The following ADAMTS17 variants were observed in gnomAD, a reference collection of about 807,000 sequenced individuals.
ADAMTS17 encodes the protein ADAM metallopeptidase with thrombospondin type 1 motif 17, also known as A disintegrin and metalloproteinase with thrombospondin motifs 17.
A neutral mutation model predicts 141.5 loss-of-function variants in ADAMTS17; 113 were observed. That is an observed-to-expected ratio of 0.80 (90% CI 0.69 to 0.93). The LOEUF (loss-of-function observed/expected upper bound fraction) is 0.93. ADAMTS17 is among the 40% of genes least tolerant of loss of function. ADAMTS17 has a pLI of 0.00. For missense variants in ADAMTS17, 1,659 were observed against 1,517.9 expected (o/e 1.09, Z -1.54); for synonymous variants, 768 against 630.6 (o/e 1.22, Z -3.27).
chr15:100,310,553 C>T (rs566862806), intron 3 of ADAMTS17, among the ~76,000 whole-genome samples: 6 of 152,314 alleles, frequency 3.9e-5, no homozygotes, highest in East Asian at 1.9e-4. Flanking sequence ...TTCTGGAGCA[C>T]GCCTAAGCAC....
At chr15:100,149,589 C>T (rs888497563) in intron 10 of ADAMTS17, among the ~76,000 whole-genome samples, 5 of 152,170 alleles carry the variant, frequency 3.3e-5, no homozygotes, top group Non-Finnish European at 7.3e-5. Context: ...CCAAACTGCT[C>T]ACCACACCAC....
chr15:100,293,766 T>C (rs1026644826), intron 3 of ADAMTS17, among the ~76,000 whole-genome samples: 17 of 152,262 alleles, frequency 1.1e-4, no homozygotes, highest in African/African-American at 3.9e-4. Flanking sequence ...CCTTTGGACC[T>C]ATCCCAACAC....
In ADAMTS17 at chr15:100,254,147, C is replaced by A. The variant is rs1400336848; in HGVS notation, c.1064G>T (p.Cys355Phe). 6.2e-7 allele frequency: 1 copy of A among 1,613,536 alleles called. No homozygotes were observed. The highest frequency in any genetic ancestry group is 1.7e-5 in the Admixed American group (1 of 60,032). The stretch of plus-strand genomic sequence containing the variant: ...AACTCTAAACTTACCAACAGTGTCA[C>A]ACGGTTCATCCTTGTGTACACAGAA... Reference protein sequence around the residue: ...TDFCVHKDEPCDTVGIAYLGG... With the variant: ...TDFCVHKDEPFDTVGIAYLGG... The change falls in exon 7 of 22, where the codon TGT becomes TTT. Residue 355 changes from cysteine (C) to phenylalanine (F), a missense_variant. By Grantham distance (205) the Cys-to-Phe change is radical (BLOSUM62 -2). Coordinates refer to ENST00000268070, the MANE Select transcript of ADAMTS17 (RefSeq NM_139057.4).
At chr15:100,162,479 GT>G (rs1457930624) in intron 8 of ADAMTS17, among the ~76,000 whole-genome samples, 1 of 125,262 alleles carries the variant, frequency 8.0e-6, no homozygotes, top group African/African-American at 3.0e-5. Flanking sequence ...CATTATATGT[GT>G]ATATATATGC....
intron 8 of ADAMTS17, among the ~76,000 whole-genome samples, chr15:100,191,567 A>C (rs2040918125): frequency 6.6e-6 from 1 of 152,180 alleles, no homozygotes; most frequent in Admixed American, 6.5e-5. Context: ...ATGAGACTCC[A>C]CATCAATGAT....
At chr15:100,165,924 T>C (rs1350032240) in intron 8 of ADAMTS17, among the ~76,000 whole-genome samples, 3 of 152,188 alleles carry the variant, frequency 2.0e-5, no homozygotes, top group Non-Finnish European at 4.4e-5. Context: ...CTTGGGTATT[T>C]TGAGAATTTT....
At chr15:100,140,510 C>CATATATATATATATATATATATATAA (rs1380147908) in intron 10 of ADAMTS17, among the ~76,000 whole-genome samples, 1 of 75,274 alleles carries the variant, frequency 1.3e-5, no homozygotes, top group Non-Finnish European at 3.3e-5. Flanking sequence ...TATATATATC[C>CATATATATATATATATATATATATAA]AGTAAAGACG....
At chr15:100,054,209 G>T (rs556005788) in intron 15 of ADAMTS17, among the ~76,000 whole-genome samples, 155 bp from the exon 16 acceptor site, 1 of 152,270 alleles carries the variant, frequency 6.6e-6, no homozygotes, top group Non-Finnish European at 1.5e-5. Context: ...CGAGTGCTCT[G>T]TATACTGAGA....
intron 8 of ADAMTS17, among the ~76,000 whole-genome samples, chr15:100,165,913 C>T (rs1251239599): frequency 1.3e-5 from 2 of 151,896 alleles, no homozygotes; most frequent in African/African-American, 4.8e-5. Context: ...TCCAGAATGG[C>T]CTTGGGTATT....
At position 99,974,244 on chromosome 15, in the gene ADAMTS17, C is replaced by T. The variant is rs890116473; in HGVS notation, c.*158G>A. On this transcript the variant is annotated 3_prime_UTR_variant, in exon 22 of 22. Coordinates refer to ENST00000268070, the MANE Select transcript of ADAMTS17 (RefSeq NM_139057.4). ...GTGGCTGTTAACAATATATTAAGTA[C>T]GGAAGCACTAATGGCAAACGCCAAG... The T allele has an allele frequency of 3.8e-5, 33 of 869,640 alleles. No homozygotes were observed. The highest frequency in any genetic ancestry group is 2.5e-4 in the Admixed American group (12 of 48,942). 53.9% of individuals were successfully genotyped at this position (869,640 alleles called of 1,614,324 possible). A position where few individuals can be genotyped will look rare whatever the true frequency, so the allele number is the denominator to read the frequency against.
In ADAMTS17 at chr15:100,231,551, C is replaced by T. The variant is rs949428594; in HGVS notation, c.1075+22585G>A. 5.3e-5 allele frequency among the ~76,000 whole-genome samples: 8 copies of T among 152,142 alleles called. No individual in the cohort carries two copies. The South Asian group carries it at 8.3e-4, about 16-fold the overall frequency. ...GTGATCTGTTTCCTTCTCCACTGACCGCCTGTAATCAAATCCTTTTTCTAA... is the reference window on the plus strand; with the variant it reads ...GTGATCTGTTTCCTTCTCCACTGACTGCCTGTAATCAAATCCTTTTTCTAA... On this transcript the variant is annotated intron_variant, in intron 7 of 21. Transcript: ENST00000268070.
intron 12 of ADAMTS17, among the ~76,000 whole-genome samples, chr15:100,117,769 GTTCCA>G (rs2037230120): frequency 6.6e-6 from 1 of 152,182 alleles, no homozygotes; most frequent in South Asian, 2.1e-4. Context: ...AACCTCAGTG[GTTCCA>G]TTCGTTTCCA....
intron 15 of ADAMTS17, among the ~76,000 whole-genome samples, chr15:100,083,074 C>T (rs1255833970): frequency 2.6e-5 from 4 of 152,174 alleles, no homozygotes; most frequent in Non-Finnish European, 5.9e-5. Context: ...TTTCACCGGC[C>T]ACTTAAACGT....
chr15:100,286,725 T>C (rs1480166920), intron 3 of ADAMTS17, among the ~76,000 whole-genome samples: 1 of 151,920 alleles, frequency 6.6e-6, no homozygotes, highest in Non-Finnish European at 1.5e-5. Flanking sequence ...AAAAATACAG[T>C]ATAAACACAC....
intron 18 of ADAMTS17, among the ~76,000 whole-genome samples, chr15:100,038,100 A>C (rs1383931066): frequency 6.6e-6 from 1 of 152,230 alleles, no homozygotes; most frequent in Non-Finnish European, 1.5e-5. Context: ...GCTAGTTGTC[A>C]CAGCACCATT....
chr15:100,211,142 A>G (rs2041794115), intron 7 of ADAMTS17, among the ~76,000 whole-genome samples: 1 of 148,610 alleles, frequency 6.7e-6, no homozygotes, highest in Admixed American at 6.7e-5. Flanking sequence ...AAATAAATAA[A>G]AATACAAAAA....
intron 8 of ADAMTS17, among the ~76,000 whole-genome samples, chr15:100,172,889 G>A (rs555959233): frequency 4.6e-5 from 7 of 152,198 alleles, no homozygotes; most frequent in African/African-American, 1.4e-4. Context: ...TTGAGGTACC[G>A]AGGAACAAGT....
At chr15:100,242,508 AT>A (rs1281389752) in intron 7 of ADAMTS17, among the ~76,000 whole-genome samples, 3 of 152,112 alleles carry the variant, frequency 2.0e-5, no homozygotes, top group African/African-American at 7.2e-5. Flanking sequence ...AAGGGCTCTA[AT>A]TCACTCCCTG....
At chr15:100,164,275 G>A (rs2141431521) in intron 8 of ADAMTS17, among the ~76,000 whole-genome samples, 1 of 152,300 alleles carries the variant, frequency 6.6e-6, no homozygotes, top group East Asian at 1.9e-4. Context: ...AAGCATCCCT[G>A]GCTTTGCAGT....
Sources: gnomAD v4.1 joint callset for allele counts (sites outside exome capture counted in the v4.1 genomes callset) on GRCh38, gnomAD v4.1.1 for gene constraint, MANE v1.5 for transcripts, NCBI Gene and HGNC (gene_info 2026-07-23, HGNC 2026-07-21) for gene names.